OR6C1: variants seen among roughly 807,000 people sequenced by gnomAD.
OR6C1 encodes olfactory receptor family 6 subfamily C member 1, also known as olfactory receptor 6C1.
For synonymous variants in OR6C1, 157 were observed against 133.3 expected, an observed-to-expected ratio of 1.18 and a Z score of -1.22; for missense variants, 386 against 366.1, an observed-to-expected ratio of 1.05 and a Z score of -0.44.
chr12:55,321,576 A>G lies in OR6C1; in HGVS notation c.*38A>G, dbSNP rs908023139. ...TGATGAATTAGAGGCACAGGAAAGGACAATATGAATTTTCAGTAGCTTCTT... is the reference window on the plus strand; with the variant it reads ...TGATGAATTAGAGGCACAGGAAAGGGCAATATGAATTTTCAGTAGCTTCTT... On this transcript the variant is annotated 3_prime_UTR_variant, in exon 2 of 2. Transcript: ENST00000642104. The G allele has an allele frequency of 2.1e-6, 3 of 1,408,080 alleles. No individual in the cohort carries two copies. The highest frequency in any genetic ancestry group is 2.9e-6 in the Non-Finnish European group (3 of 1,033,130). 87.2% of individuals were successfully genotyped at this position (1,408,080 alleles called of 1,614,324 possible). A position where few individuals can be genotyped will look rare whatever the true frequency, so the allele number is the denominator to read the frequency against.
chr12:55,320,809 G>T lies in OR6C1; in HGVS notation c.210G>T (p.Ser70=), dbSNP rs375702387. 1.2e-6 allele frequency: 2 copies of T among 1,613,588 alleles called. No homozygotes were observed. The highest frequency in any genetic ancestry group is 1.1e-5 in the South Asian group (1 of 91,036). The part of the protein sequence containing the change: ...FLRNFSILEI[S]FTTVSIPKFL... The stretch of plus-strand genomic sequence containing the variant: ...GAAATTTCTCCATATTAGAAATTTC[G>T]TTCACAACCGTCAGTATACCCAAGT... The change falls in exon 2 of 2, where the codon TCG becomes TCT. Residue 70 remains serine (S), a synonymous_variant. Coordinates refer to ENST00000642104, the MANE Select transcript of OR6C1 (RefSeq NM_001005182.2).
At chr12:55,320,285 T>C (rs1420411155) in intron 1 of OR6C1, among the ~76,000 whole-genome samples, 1 of 152,186 alleles carries the variant, frequency 6.6e-6, no homozygotes, top group Non-Finnish European at 1.5e-5. Flanking sequence ...GGCATGTCTT[T>C]GAAAGATAAC....
chr12:55,318,075 T>C (rs914544026), intron 1 of OR6C1, among the ~76,000 whole-genome samples: 2 of 151,346 alleles, frequency 1.3e-5, no homozygotes, highest in Non-Finnish European at 2.9e-5. Context: ...ATATATAATA[T>C]ATATGCACAT....
At position 55,318,326 on chromosome 12, in the gene OR6C1, T is replaced by C. The variant is rs1868449816; in HGVS notation, c.-33-2241T>C. On this transcript the variant is annotated intron_variant, in intron 1 of 1. Coordinates refer to ENST00000642104, the MANE Select transcript of OR6C1 (RefSeq NM_001005182.2). ...CATGGTGGGAGAGGTCAGCACCATGTAGACAAGGAAGAGCAAAGATTTACT... is the reference window on the plus strand; with the variant it reads ...CATGGTGGGAGAGGTCAGCACCATGCAGACAAGGAAGAGCAAAGATTTACT... Among the ~76,000 whole-genome samples the C allele has an allele frequency of 2.0e-5, 3 of 151,182 alleles. No individual in the cohort carries two copies. In the South Asian group the frequency reaches 6.3e-4, roughly 32 times the overall value.
At chr12:55,318,452 A>T (rs1367402860) in intron 1 of OR6C1, among the ~76,000 whole-genome samples, 2 of 151,728 alleles carry the variant, frequency 1.3e-5, no homozygotes, top group Non-Finnish European at 2.9e-5. Context: ...AAATATAATT[A>T]TTACTATTTA....
In OR6C1 at chr12:55,321,493, T is replaced by C; in HGVS notation, c.894T>C (p.Ala298=). Residue 298 remains alanine (A), a synonymous_variant, in exon 2 of 2, where the codon GCT becomes GCC. Transcript: ENST00000642104. ...TAAGAAATCAGCAAGTCAAGCAAGC[T>C]TTCATTAACATGGCAAGGAAGACTG... ...YSLRNQQVKQ[A]FINMARKTVF... The C allele has an allele frequency of 6.2e-7, 1 of 1,613,476 alleles. No homozygotes were observed. Among genetic ancestry groups the C allele is most frequent in the Non-Finnish European group, 8.5e-7 (1 of 1,179,776 alleles).
intron 1 of OR6C1, among the ~76,000 whole-genome samples, chr12:55,316,131 C>CACACACACACA (rs1555172618): frequency 1.6e-5 from 2 of 121,706 alleles, no homozygotes. Flanking sequence ...ACACACACAC[C>CACACACACACA]CCCCGAGAGA....
At chr12:55,316,132 C>T (rs1207166381) in intron 1 of OR6C1, among the ~76,000 whole-genome samples, 1 of 93,976 alleles carries the variant, frequency 1.1e-5, no homozygotes, top group Non-Finnish European at 1.9e-5. Context: ...CACACACACC[C>T]CCCGAGAGAA....
chr12:55,319,279 T>C (rs1868475583), intron 1 of OR6C1, among the ~76,000 whole-genome samples: 1 of 152,200 alleles, frequency 6.6e-6, no homozygotes, highest in Non-Finnish European at 1.5e-5. Context: ...CTTAAGTATT[T>C]CTGATTTTCA....
chr12:55,317,333 T>C (rs1251105425), intron 1 of OR6C1, among the ~76,000 whole-genome samples: 1 of 151,988 alleles, frequency 6.6e-6, no homozygotes, highest in Non-Finnish European at 1.5e-5. Context: ...GTAAAAAAAT[T>C]TAAACCCAGT....
chr12:55,319,116 A>G (rs1868471650), intron 1 of OR6C1, among the ~76,000 whole-genome samples: 1 of 152,144 alleles, frequency 6.6e-6, no homozygotes, highest in Non-Finnish European at 1.5e-5. Flanking sequence ...TAAAAGTTAT[A>G]AAATGACACA....
Position 55,320,776 on chromosome 12 carries a change from C to G in OR6C1, c.177C>G (p.Phe59Leu), listed in dbSNP as rs755105534. 6.2e-7 allele frequency: 1 copy of G among 1,614,086 alleles called. No individual in the cohort carries two copies. Among genetic ancestry groups the G allele is most frequent in the Non-Finnish European group, 8.5e-7 (1 of 1,179,996 alleles). ...LDSHLQTPMY[F>L]FLRNFSILEI... Reference sequence around the variant, plus strand: ...CCCACCTGCAGACCCCCATGTATTTCTTCCTCAGAAATTTCTCCATATTAG... The same window carrying G: ...CCCACCTGCAGACCCCCATGTATTTGTTCCTCAGAAATTTCTCCATATTAG... The change falls in exon 2 of 2, where the codon TTC becomes TTG. Residue 59 changes from phenylalanine (F) to leucine (L), a missense_variant. Coordinates refer to ENST00000642104, the MANE Select transcript of OR6C1 (RefSeq NM_001005182.2).
Position 55,320,724 on chromosome 12 carries a change from C to A in OR6C1, c.125C>A (p.Thr42Asn). Residue 42 changes from threonine to asparagine, a missense_variant, in exon 2 of 2, where the codon ACC (threonine) becomes AAC (asparagine). Coordinates refer to ENST00000642104, the MANE Select transcript of OR6C1 (RefSeq NM_001005182.2). The part of the protein sequence containing the change: ...TYMLSITGNL[T>N]LITITLLDSH... ...ATGCTCAGCATCACTGGGAACCTGA[C>A]CCTTATCACAATTACCCTGCTGGAT... The A allele has an allele frequency of 1.2e-6, 2 of 1,613,924 alleles. No individual in the cohort carries two copies. The highest frequency in any genetic ancestry group is 1.7e-6 in the Non-Finnish European group (2 of 1,179,850).
intron 1 of OR6C1, among the ~76,000 whole-genome samples, chr12:55,315,592 A>G (rs1460752827): frequency 6.6e-6 from 1 of 151,778 alleles, no homozygotes; most frequent in Admixed American, 6.6e-5. Flanking sequence ...TATCGAAAGG[A>G]AGAAATATAA....
chr12:55,315,918 T>C (rs964565781), intron 1 of OR6C1, among the ~76,000 whole-genome samples: 1 of 151,670 alleles, frequency 6.6e-6, no homozygotes, highest in East Asian at 1.9e-4. Context: ...CACAGAGTTA[T>C]ATGAGCAATA....
Position 55,321,289 on chromosome 12 carries a change from T to G in OR6C1, c.690T>G (p.Ser230Arg). The G allele has an allele frequency of 1.2e-6, 2 of 1,613,442 alleles. No individual in the cohort carries two copies. Among genetic ancestry groups the G allele is most frequent in the Non-Finnish European group, 1.7e-6 (2 of 1,179,406 alleles). Residue 230 changes from serine to arginine, a missense_variant, in exon 2 of 2, where the codon AGT becomes AGG. Physicochemically the swap from Ser to Arg is moderately radical, Grantham distance 110. Transcript: ENST00000642104. ...CAATTTTGAGAATTCCTTCTACTAG[T>G]CAGAGGACAAAGGCCTTTTCCACAT... ...IRTILRIPST[S>R]QRTKAFSTCS...
intron 1 of OR6C1, among the ~76,000 whole-genome samples, chr12:55,318,015 A>AG (rs1868441913): frequency 6.9e-6 from 1 of 145,516 alleles, no homozygotes; most frequent in African/African-American, 2.5e-5. Context: ...ACACATAAAT[A>AG]CACACACATA....
chr12:55,316,986 G>C (rs1868420734), intron 1 of OR6C1, among the ~76,000 whole-genome samples: 1 of 151,668 alleles, frequency 6.6e-6, no homozygotes, highest in South Asian at 2.1e-4. Flanking sequence ...TTATTACTGA[G>C]TAAAGTGTTA....
intron 1 of OR6C1, among the ~76,000 whole-genome samples, chr12:55,314,998 G>C (rs1057186356): frequency 6.6e-6 from 1 of 151,508 alleles, no homozygotes; most frequent in African/African-American, 2.4e-5. Flanking sequence ...AAGAAAAAAA[G>C]TCCCTAGTTC....
Sources: gnomAD v4.1 joint callset for allele counts (sites outside exome capture counted in the v4.1 genomes callset) on GRCh38, gnomAD v4.1.1 for gene constraint, MANE v1.5 for transcripts, NCBI Gene and HGNC (gene_info 2026-07-23, HGNC 2026-07-21) for gene names.